Variants in GRM8 observed in about 807,000 individuals in gnomAD.
GRM8 encodes metabotropic glutamate receptor 8.
Under a neutral mutation model 87.2 loss-of-function variants are expected in GRM8, and 47 were observed. That is an observed-to-expected ratio of 0.54 (90% CI 0.43 to 0.69). The LOEUF is 0.69. Ranked by LOEUF, GRM8 falls within the 30% of genes least tolerant of loss-of-function variation. The pLI, the probability that GRM8 is intolerant of heterozygous loss-of-function variation, is 0.00. For missense variants in GRM8, 1,019 were observed against 1,139.2 expected (o/e 0.89, Z 1.52); for synonymous variants, 396 against 404.5 (o/e 0.98, Z 0.25).
chr7:126,478,279 T>C (rs1353063441), intron 9 of GRM8, among the ~76,000 whole-genome samples: 4 of 152,164 alleles, frequency 2.6e-5, no homozygotes, highest in Admixed American at 2.0e-4. Context: ...CCACATTTAC[T>C]TTTTACTTTA....
intron 7 of GRM8, among the ~76,000 whole-genome samples, chr7:126,687,272 C>T (rs1421082061): frequency 6.6e-6 from 1 of 152,204 alleles, no homozygotes; most frequent in Non-Finnish European, 1.5e-5. Flanking sequence ...TTTCACCTAA[C>T]AGTGTATTCC....
chr7:127,136,504 T>A (rs1286924942), intron 2 of GRM8, among the ~76,000 whole-genome samples: 1 of 152,142 alleles, frequency 6.6e-6, no homozygotes, highest in African/African-American at 2.4e-5. Flanking sequence ...AATGTGAAGA[T>A]ATTTAAAACA....
At chr7:126,523,065 A>G (rs1344907001) in intron 9 of GRM8, among the ~76,000 whole-genome samples, 1 of 152,248 alleles carries the variant, frequency 6.6e-6, no homozygotes, top group Non-Finnish European at 1.5e-5. Context: ...TAGCAATTGT[A>G]TTAAACCTAA....
chr7:127,156,170 T>C lies in GRM8; in HGVS notation c.511-49458A>G, dbSNP rs1792716935. Among the ~76,000 whole-genome samples the C allele has an allele frequency of 2.6e-5, 4 of 152,124 alleles. No homozygotes were observed. The South Asian group carries it at 8.3e-4, about 31-fold the overall frequency. ...CAGTGTGGAGGAAGGAGGGGCAGTATGTGAGTGGATAGGCTGGGGCTATGC... is the reference window on the plus strand; with the variant it reads ...CAGTGTGGAGGAAGGAGGGGCAGTACGTGAGTGGATAGGCTGGGGCTATGC... On this transcript the variant is annotated intron_variant, in intron 2 of 10. Coordinates refer to ENST00000339582, the MANE Select transcript of GRM8 (RefSeq NM_000845.3).
In GRM8 at chr7:126,533,597, G is replaced by A. The variant is rs774288575; in HGVS notation, c.1785C>T (p.Ile595=). The A allele has an allele frequency of 8.7e-6, 14 of 1,613,976 alleles. No individual in the cohort carries two copies. The African/African-American group carries it at 1.2e-4, about 14-fold the overall frequency. ...VVPVFVAILG[I]IATTFVIVTF... ...TCACGATCACAAAGGTGGTGGCGAT[G>A]ATTCCCAATATTGCAACAAACACAG... Residue 595 remains isoleucine, a synonymous_variant, in exon 9 of 11, where the codon ATC becomes ATT. Transcript: ENST00000339582.
chr7:126,535,409 AC>A (rs1184082723), intron 8 of GRM8, among the ~76,000 whole-genome samples: 1 of 152,170 alleles, frequency 6.6e-6, no homozygotes, highest in African/African-American at 2.4e-5. Flanking sequence ...TCTTGGCTCC[AC>A]CCAGGAAAGA....
intron 2 of GRM8, among the ~76,000 whole-genome samples, chr7:127,168,429 T>C (rs1793584000): frequency 6.6e-6 from 1 of 152,150 alleles, no homozygotes; most frequent in Non-Finnish European, 1.5e-5. Flanking sequence ...TTCAACATTG[T>C]GGAAGTCAGT....
At chr7:126,785,293 G>A (rs1274527510) in intron 6 of GRM8, among the ~76,000 whole-genome samples, 2 of 152,072 alleles carry the variant, frequency 1.3e-5, no homozygotes, top group Non-Finnish European at 2.9e-5. Flanking sequence ...CCCTCTTTCG[G>A]TCAAGCTCTT....
chr7:126,498,945 A>G (rs1809204968), intron 9 of GRM8, among the ~76,000 whole-genome samples: 1 of 152,030 alleles, frequency 6.6e-6, no homozygotes, highest in Non-Finnish European at 1.5e-5. Flanking sequence ...TTGGCATAAA[A>G]TAAAATATCA....
At chr7:126,823,462 T>A (rs1284013569) in intron 6 of GRM8, among the ~76,000 whole-genome samples, 1 of 152,206 alleles carries the variant, frequency 6.6e-6, no homozygotes, top group Non-Finnish European at 1.5e-5. Flanking sequence ...TCTTTATCCA[T>A]AGTATTGCAG....
intron 7 of GRM8, among the ~76,000 whole-genome samples, chr7:126,725,527 T>C (rs1211324341): frequency 1.3e-5 from 2 of 152,158 alleles, no homozygotes; most frequent in East Asian, 3.9e-4. Flanking sequence ...TCTTCTGGCT[T>C]CCAATAGAAA....
At chr7:126,505,085 C>T (rs1584860045) in intron 9 of GRM8, among the ~76,000 whole-genome samples, 1 of 152,090 alleles carries the variant, frequency 6.6e-6, no homozygotes, top group South Asian at 2.1e-4. Flanking sequence ...AGAAGCAATT[C>T]TTGTCACCAA....
chr7:126,964,365 T>G lies in GRM8; in HGVS notation c.728-59682A>C, dbSNP rs146456161. Among the ~76,000 whole-genome samples, 1,282 of 152,132 alleles carry G rather than the reference T, an allele frequency of 8.4e-3. 10 individuals carry two copies. Among genetic ancestry groups the G allele is most frequent in the African/African-American group, 0.029 (1,186 of 41,470 alleles). On this transcript the variant is annotated intron_variant, in intron 3 of 10. Coordinates refer to ENST00000339582, the MANE Select transcript of GRM8 (RefSeq NM_000845.3). ...ACAGCAGAAGAAACTATCATCAGAG[T>G]GAACAGGCAGCCTACAGAATGGGAA...
At chr7:127,156,991 G>C (rs1045008741) in intron 2 of GRM8, among the ~76,000 whole-genome samples, 9 of 152,160 alleles carry the variant, frequency 5.9e-5, no homozygotes, top group African/African-American at 1.7e-4. Context: ...AAGTGTAATA[G>C]TTAAGATCTG....
intron 3 of GRM8, among the ~76,000 whole-genome samples, chr7:127,048,000 T>A (rs1474040875): frequency 6.6e-6 from 1 of 152,224 alleles, no homozygotes; most frequent in Admixed American, 6.5e-5. Flanking sequence ...TATTGAATGC[T>A]ATTTGCAAGG....
At chr7:126,941,266 C>T (rs1040370739) in intron 3 of GRM8, among the ~76,000 whole-genome samples, 2 of 152,002 alleles carry the variant, frequency 1.3e-5, no homozygotes, top group Non-Finnish European at 2.9e-5. Flanking sequence ...TTGCCATAAT[C>T]AAAGCAAGAA....
chr7:126,487,314 A>G (rs1422622912), intron 9 of GRM8, among the ~76,000 whole-genome samples: 1 of 151,946 alleles, frequency 6.6e-6, no homozygotes, highest in Non-Finnish European at 1.5e-5. Flanking sequence ...TAATTTTTCT[A>G]AGAGATGGGG....
At chr7:127,251,674 C>A (rs1183828160) in intron 1 of GRM8, among the ~76,000 whole-genome samples, 1 of 151,452 alleles carries the variant, frequency 6.6e-6, no homozygotes, top group Non-Finnish European at 1.5e-5. Context: ...GCCTCCGCCC[C>A]CGCCGCACCT....
intron 3 of GRM8, among the ~76,000 whole-genome samples, chr7:126,999,349 T>G (rs961133609): frequency 6.6e-6 from 1 of 151,688 alleles, no homozygotes; most frequent in Non-Finnish European, 1.5e-5. Context: ...TTTTGAATAA[T>G]ACTGCACAAG....
Sources: gnomAD v4.1 joint callset for allele counts (sites outside exome capture counted in the v4.1 genomes callset) on GRCh38, gnomAD v4.1.1 for gene constraint, MANE v1.5 for transcripts, NCBI Gene and HGNC (gene_info 2026-07-23, HGNC 2026-07-21) for gene names.